The following WDFY2 variants were observed in gnomAD, a reference collection of about 807,000 sequenced individuals.
WDFY2 encodes the protein WD repeat and FYVE domain-containing protein 2.
A neutral mutation model predicts 56.4 loss-of-function variants in WDFY2; 36 were observed. The observed-to-expected ratio is 0.64, with a 90% CI of 0.49 to 0.84. WDFY2 has a LOEUF of 0.84. Among genes scored for constraint, WDFY2 ranks in the 40% least tolerant of loss-of-function variants. WDFY2 has a pLI of 0.00. For missense variants in WDFY2, 444 were observed against 512.2 expected (o/e 0.87, Z 1.29); for synonymous variants, 176 against 183.7 (o/e 0.96, Z 0.34).
intron 1 of WDFY2, among the ~76,000 whole-genome samples, chr13:51,634,831 T>G (rs1955015533): frequency 1.3e-5 from 2 of 152,184 alleles, no homozygotes; most frequent in South Asian, 4.1e-4. Flanking sequence ...GCATCATGGT[T>G]GGGTTAAGTG....
In WDFY2 at chr13:51,631,032, G is replaced by A. The variant is rs183154099; in HGVS notation, c.138-29564G>A. 6.3e-3 allele frequency among the ~76,000 whole-genome samples: 952 copies of A among 150,372 alleles called. 7 individuals are homozygous for A. The highest frequency in any genetic ancestry group is 0.01 in the Middle Eastern group (3 of 292). ...TGACCTCAGGTGATCCACCCATCTC[G>A]GCCTCCCAAAGTACTGGGATTACAG... On this transcript the variant is annotated intron_variant, in intron 1 of 11. Transcript: ENST00000298125.
chr13:51,682,116 T>A (rs146878315), intron 3 of WDFY2, among the ~76,000 whole-genome samples: 1 of 152,326 alleles, frequency 6.6e-6, no homozygotes, highest in East Asian at 1.9e-4. Flanking sequence ...GCACCCAGAT[T>A]GCTCTGTGTT....
chr13:51,706,248 A>T (rs898678523), intron 4 of WDFY2, among the ~76,000 whole-genome samples: 1 of 152,246 alleles, frequency 6.6e-6, no homozygotes, highest in African/African-American at 2.4e-5. Context: ...TACTAGGCTC[A>T]TGGGAGATAC....
At chr13:51,598,472 G>GA in intron 1 of WDFY2, 1 of 152,338 alleles carries the variant, frequency 6.6e-6, no homozygotes, top group Non-Finnish European at 1.5e-5. Flanking sequence ...ACCCCTCTCT[G>GA]AAAAACACAG....
Position 51,703,160 on chromosome 13 carries a change from A to G in WDFY2, c.280-436A>G, listed in dbSNP as rs1031740168. ...ATGCAACCTTCAGATGCTTATAGTA[A>G]GTAAGGGGAAATAAATTACTAATCT... On this transcript the variant is annotated intron_variant, in intron 3 of 11. Transcript: ENST00000298125. Among the ~76,000 whole-genome samples, 12 of 152,350 alleles carry G rather than the reference A, an allele frequency of 7.9e-5. 1 individual carries two copies. In the South Asian group the frequency reaches 2.5e-3, roughly 32 times the overall value.
chr13:51,699,344 A>G lies in WDFY2; in HGVS notation c.280-4252A>G, dbSNP rs1027071832. 3.3e-5 allele frequency among the ~76,000 whole-genome samples: 5 copies of G among 152,152 alleles called. 1 individual carries two copies. The highest frequency in any genetic ancestry group is 9.7e-5 in the African/African-American group (4 of 41,438). ...GTGTTTCACTTCTGTCTGTCCAGAGACTTCCTGAATGCTGGAGAAGCAGCT... is the reference window on the plus strand; with the variant it reads ...GTGTTTCACTTCTGTCTGTCCAGAGGCTTCCTGAATGCTGGAGAAGCAGCT... On this transcript the variant is annotated intron_variant, in intron 3 of 11. Coordinates refer to ENST00000298125, the MANE Select transcript of WDFY2 (RefSeq NM_052950.4).
intron 2 of WDFY2, among the ~76,000 whole-genome samples, chr13:51,662,058 C>T (rs1040081500): frequency 6.6e-6 from 1 of 152,080 alleles, no homozygotes; most frequent in Non-Finnish European, 1.5e-5. Context: ...GCAACCTCCA[C>T]CTCCCGGGTT....
intron 9 of WDFY2, among the ~76,000 whole-genome samples, chr13:51,756,028 T>C (rs1355797773): frequency 6.6e-6 from 1 of 151,264 alleles, no homozygotes; most frequent in Non-Finnish European, 1.5e-5. Flanking sequence ...CGCTTTAAGA[T>C]CACCTGGCCC....
chr13:51,633,624 T>C (rs1197258729), intron 1 of WDFY2, among the ~76,000 whole-genome samples: 1 of 152,212 alleles, frequency 6.6e-6, no homozygotes, highest in Admixed American at 6.5e-5. Flanking sequence ...GGGTCACTTA[T>C]GAAGTAGCCA....
intron 8 of WDFY2, 145 bp downstream of exon 8, chr13:51,751,560 G>GTT: frequency 5.6e-5 from 39 of 700,274 alleles, no homozygotes; most frequent in Admixed American, 9.0e-5. Context: ...TGTTTGGGTT[G>GTT]TTTTTTTTTT....
In WDFY2 at chr13:51,584,649, G is replaced by A; in HGVS notation, c.-39G>A. 1 of 1,591,940 alleles carries A rather than the reference G, an allele frequency of 6.3e-7. No homozygotes were observed. Among genetic ancestry groups the A allele is most frequent in the Non-Finnish European group, 8.5e-7 (1 of 1,171,824 alleles). On this transcript the variant is annotated 5_prime_UTR_variant, in exon 1 of 12. Coordinates refer to ENST00000298125, the MANE Select transcript of WDFY2 (RefSeq NM_052950.4). ...AGTCTCCTCAGCCCGGCCCCGCGGCGCGGTTGGCGGCGGCGCCCCAGGCGC... is the reference window on the plus strand; with the variant it reads ...AGTCTCCTCAGCCCGGCCCCGCGGCACGGTTGGCGGCGGCGCCCCAGGCGC...
At chr13:51,722,744 C>A (rs1373284012) in intron 5 of WDFY2, among the ~76,000 whole-genome samples, 3 of 152,254 alleles carry the variant, frequency 2.0e-5, no homozygotes, top group Middle Eastern at 3.4e-3. Flanking sequence ...TTCAGCCAGC[C>A]CTCTGCACAA....
chr13:51,636,478 G>A (rs1324646921), intron 1 of WDFY2, among the ~76,000 whole-genome samples: 3 of 152,178 alleles, frequency 2.0e-5, no homozygotes, highest in East Asian at 1.9e-4. Context: ...CTTGGGCTTC[G>A]TGATAAGAAA....
intron 1 of WDFY2, among the ~76,000 whole-genome samples, chr13:51,612,182 G>T (rs1204839154): frequency 6.6e-6 from 1 of 152,138 alleles, no homozygotes; most frequent in Non-Finnish European, 1.5e-5. Context: ...ATTCACTTGT[G>T]AAGCTAGGAG....
At chr13:51,735,792 C>A (rs1225654669) in intron 6 of WDFY2, among the ~76,000 whole-genome samples, 3 of 152,076 alleles carry the variant, frequency 2.0e-5, no homozygotes, top group Non-Finnish European at 4.4e-5. Flanking sequence ...ATAGAGCAGG[C>A]ATGGGACCCC....
chr13:51,704,763 A>G (rs1952050148), intron 4 of WDFY2, among the ~76,000 whole-genome samples: 1 of 152,224 alleles, frequency 6.6e-6, no homozygotes, highest in South Asian at 2.1e-4. Context: ...CTATAAATAT[A>G]TGCAATTATT....
At chr13:51,651,252 G>A (rs1004732135) in intron 1 of WDFY2, among the ~76,000 whole-genome samples, 3 of 152,132 alleles carry the variant, frequency 2.0e-5, no homozygotes, top group African/African-American at 7.2e-5. Context: ...TGTGGGATCG[G>A]TGGTGATATC....
At position 51,739,179 on chromosome 13, in the gene WDFY2, A is replaced by C; in HGVS notation, c.725+4A>C. On this transcript the variant is annotated splice_donor_region_variant and intron_variant, in intron 7 of 11. Coordinates refer to ENST00000298125, the MANE Select transcript of WDFY2 (RefSeq NM_052950.4). ...CCATCGAGCTCCAAGGACACAAGTA[A>C]GGTTGCTGGTGCTTTCATAAAGACT... 3 of 1,582,772 alleles carry C rather than the reference A, an allele frequency of 1.9e-6. No homozygotes were observed. The highest frequency in any genetic ancestry group is 2.6e-6 in the Non-Finnish European group (3 of 1,164,808).
chr13:51,645,250 G>C (rs917785549), intron 1 of WDFY2, among the ~76,000 whole-genome samples: 9 of 151,110 alleles, frequency 6.0e-5, no homozygotes, highest in African/African-American at 9.8e-5. Flanking sequence ...TTGTATTGCT[G>C]TTGCAGGGTG....
Sources: gnomAD v4.1 joint callset for allele counts (sites outside exome capture counted in the v4.1 genomes callset) on GRCh38, gnomAD v4.1.1 for gene constraint, MANE v1.5 for transcripts, NCBI Gene and HGNC (gene_info 2026-07-23, HGNC 2026-07-21) for gene names.